The following DOC2B variants were observed in gnomAD, a reference collection of about 807,000 sequenced individuals.
DOC2B encodes double C2-like domain-containing protein beta.
DOC2B carries 21 observed loss-of-function variants against 28.9 expected under a neutral mutation model. That is an observed-to-expected ratio of 0.73 (90% confidence interval 0.52 to 1.05). DOC2B has a LOEUF of 1.05. Among genes scored for constraint, DOC2B ranks in the 50% least tolerant of loss-of-function variants. The pLI is 0.00. For synonymous variants in DOC2B, 194 were observed against 178.1 expected, an observed-to-expected ratio of 1.09 and a Z score of -0.71; for missense variants, 384 against 421.1, an observed-to-expected ratio of 0.91 and a Z score of 0.77.
intron 3 of DOC2B, among the ~76,000 whole-genome samples, chr17:162,687 C>T (rs2151467272): frequency 6.6e-6 from 1 of 152,366 alleles, no homozygotes; most frequent in African/African-American, 2.4e-5. Context: ...CTGCTTTAAG[C>T]CACGAAGTTT....
At chr17:163,050 G>A (rs2040223098) in intron 3 of DOC2B, among the ~76,000 whole-genome samples, 1 of 152,192 alleles carries the variant, frequency 6.6e-6, no homozygotes. Context: ...GTTCCCCACT[G>A]TGGAAAGGGC....
rs1043592722 is a variant in DOC2B, at chr17:145,789, C to T, written c.*1652G>A. 169 of 152,676 alleles carry T rather than the reference C, an allele frequency of 1.1e-3. No homozygotes were observed. Among genetic ancestry groups the T allele is most frequent in the Non-Finnish European group, 2.2e-3 (149 of 68,414 alleles). 9.5% of individuals were successfully genotyped at this position (152,676 alleles called of 1,614,324 possible). Reference sequence around the variant, plus strand: ...GGACCTCTCTGGTGTGAGCTCAGCACGCCAATTCCCCTGAAGCGTGGTGTC... The same window carrying T: ...GGACCTCTCTGGTGTGAGCTCAGCATGCCAATTCCCCTGAAGCGTGGTGTC... On this transcript the variant is annotated 3_prime_UTR_variant, in exon 9 of 9. Transcript: ENST00000613549.
At chr17:149,001 G>A (rs1025571766) in intron 7 of DOC2B, 110 bp downstream of exon 7, 4,150 of 193,648 alleles carry the variant, frequency 0.021, 140 homozygotes, top group African/African-American at 0.087. Flanking sequence ...CCTCCCCACC[G>A]TCTCTGACCA....
chr17:163,013 C>T (rs2040222789), intron 3 of DOC2B, among the ~76,000 whole-genome samples: 1 of 152,184 alleles, frequency 6.6e-6, no homozygotes, highest in Non-Finnish European at 1.5e-5. Context: ...GCCTGGGCTT[C>T]CAATTCCAGC....
chr17:170,456 C>T (rs1249572019), intron 2 of DOC2B, among the ~76,000 whole-genome samples: 6 of 152,106 alleles, frequency 3.9e-5, no homozygotes, highest in African/African-American at 1.4e-4. Context: ...AGCATGCTGC[C>T]AAGGGCAGCC....
At chr17:153,173 C>T (rs968503526) in intron 6 of DOC2B, among the ~76,000 whole-genome samples, 10 of 152,324 alleles carry the variant, frequency 6.6e-5, no homozygotes, top group South Asian at 2.1e-4. Context: ...ACCTGGCCCA[C>T]GGCTGGCAGG....
At position 162,093 on chromosome 17, in the gene DOC2B, C is replaced by T. The variant is rs369343321; in HGVS notation, c.626G>A (p.Arg209His). ...YYGITDEDMIRKTLRISVCDE... is the reference protein window; with the variant it reads ...YYGITDEDMIHKTLRISVCDE... ...GACCCTCACCCACCGCAGGGTCTTG[C>T]GGATCATGTCTTCATCTGTGATCCC... The change falls in exon 4 of 9, where the codon CGC (arginine) becomes CAC (histidine). Residue 209 changes from arginine (R) to histidine (H), a missense_variant. Arg to His is a conservative substitution (Grantham distance 29, BLOSUM62 0). Transcript: ENST00000613549. The T allele has an allele frequency of 3.0e-4, 469 of 1,550,760 alleles. No individual in the cohort carries two copies. The highest frequency in any genetic ancestry group is 3.9e-4 in the Non-Finnish European group (446 of 1,146,226).
At chr17:175,550 T>C (rs1224563649) in intron 1 of DOC2B, among the ~76,000 whole-genome samples, 4 of 152,192 alleles carry the variant, frequency 2.6e-5, no homozygotes, top group Non-Finnish European at 5.9e-5. Context: ...CCCAACGAAT[T>C]AGCCCCCTGA....
At chr17:180,988 G>T in intron 1 of DOC2B, 119 bp downstream of exon 1, 2 of 883,548 alleles carry the variant, frequency 2.3e-6, no homozygotes, top group Non-Finnish European at 3.0e-6. Context: ...CGGCGGGGTT[G>T]TGAACCGAGG....
intron 1 of DOC2B, among the ~76,000 whole-genome samples, chr17:176,660 C>T (rs542667961): frequency 6.6e-5 from 10 of 152,280 alleles, no homozygotes; most frequent in Non-Finnish European, 1.2e-4. Context: ...GAGAGCCCTC[C>T]GAGTTGGAAA....
At chr17:178,660 T>C (rs182902992) in intron 1 of DOC2B, among the ~76,000 whole-genome samples, 1 of 152,368 alleles carries the variant, frequency 6.6e-6, no homozygotes, top group East Asian at 1.9e-4. Flanking sequence ...ATGCGAGTTA[T>C]GTGCTTGTGC....
intron 7 of DOC2B, 124 bp downstream of exon 7, chr17:148,987 G>C (rs1221765033): frequency 5.0e-6 from 2 of 396,044 alleles, no homozygotes; most frequent in South Asian, 2.6e-4. Flanking sequence ...GGCTTGGTGC[G>C]GCCCCTCCCC....
In DOC2B at chr17:153,100, G is replaced by A. The variant is rs546471187; in HGVS notation, c.923+3120C>T. Among the ~76,000 whole-genome samples the A allele has an allele frequency of 8.3e-5, 12 of 144,094 alleles. No homozygotes were observed. The South Asian group carries it at 1.4e-3, about 16-fold the overall frequency. 94.5% of individuals were successfully genotyped at this position (144,094 alleles called of 152,430 possible). Reference sequence around the variant, plus strand: ...TCTGAAACAGATGTGGAGGTCTCGGGTGAGGCGTGGCTCAGATACAGGGAG... The same window carrying A: ...TCTGAAACAGATGTGGAGGTCTCGGATGAGGCGTGGCTCAGATACAGGGAG... On this transcript the variant is annotated intron_variant, in intron 6 of 8. Coordinates refer to ENST00000613549, the MANE Select transcript of DOC2B (RefSeq NM_003585.5).
chr17:151,436 A>C (rs2040070637), intron 6 of DOC2B, among the ~76,000 whole-genome samples: 1 of 152,216 alleles, frequency 6.6e-6, no homozygotes, highest in African/African-American at 2.4e-5. Context: ...AAATTCAAAA[A>C]TCTGAAATCC....
intron 5 of DOC2B, among the ~76,000 whole-genome samples, chr17:159,820 A>C (rs1567531466): frequency 1.3e-5 from 2 of 151,770 alleles, no homozygotes; most frequent in Admixed American, 1.3e-4. Context: ...GTGGACACAC[A>C]CACTGTCGCA....
At chr17:178,361 C>T (rs918525849) in intron 1 of DOC2B, among the ~76,000 whole-genome samples, 1 of 152,266 alleles carries the variant, frequency 6.6e-6, no homozygotes, top group Non-Finnish European at 1.5e-5. Flanking sequence ...CAGCTGTCCT[C>T]ATTGTTTAAG....
intron 4 of DOC2B, among the ~76,000 whole-genome samples, chr17:161,832 C>T (rs1555523287): frequency 6.6e-6 from 1 of 152,214 alleles, no homozygotes; most frequent in African/African-American, 2.4e-5. Context: ...AGGGAACCAC[C>T]TCCAGCACCC....
At chr17:178,700 T>C (rs984074731) in intron 1 of DOC2B, among the ~76,000 whole-genome samples, 1 of 152,248 alleles carries the variant, frequency 6.6e-6, no homozygotes, top group Admixed American at 6.5e-5. Context: ...GAAAGGGCTT[T>C]AAAAAGCCAG....
chr17:147,316 T>C lies in DOC2B; in HGVS notation c.*125A>G. On this transcript the variant is annotated 3_prime_UTR_variant, in exon 9 of 9. Coordinates refer to ENST00000613549, the MANE Select transcript of DOC2B (RefSeq NM_003585.5). The stretch of plus-strand genomic sequence containing the variant: ...CCGAGCGGGGACTGCAGTGGCTCTG[T>C]GTCCAAGCAGGGGTTCTGGATCTCC... The C allele has an allele frequency of 2.5e-6, 1 of 396,722 alleles. No homozygotes were observed. The highest frequency in any genetic ancestry group is 2.1e-5 in the African/African-American group (1 of 48,694). 24.6% of individuals were successfully genotyped at this position (396,722 alleles called of 1,614,324 possible).
Sources: gnomAD v4.1 joint callset for allele counts (sites outside exome capture counted in the v4.1 genomes callset) on GRCh38, gnomAD v4.1.1 for gene constraint, MANE v1.5 for transcripts, NCBI Gene and HGNC (gene_info 2026-07-23, HGNC 2026-07-21) for gene names.